The following SCOC variants were observed in gnomAD, a reference collection of about 807,000 sequenced individuals.
The protein encoded by SCOC is short coiled coil protein.
A neutral mutation model predicts 9.9 loss-of-function variants in SCOC; 7 were observed. That is an observed-to-expected ratio of 0.71 (90% CI 0.40 to 1.33). The LOEUF is 1.33. SCOC is among the 40% of genes most tolerant of loss of function. The pLI is 0.01. For missense variants in SCOC, 66 were observed against 89.7 expected (o/e 0.74, Z 1.07); for synonymous variants, 19 against 28.2 (o/e 0.67, Z 1.03).
rs570758458 is a variant in SCOC, at chr4:140,295,167, T to C, written c.-19+37757T>C. The stretch of plus-strand genomic sequence containing the variant: ...ATAATTGGGAGATTTTAGTAGTATA[T>C]TTCCTTCCTTCTTGAAGAAAATGCT... On this transcript the variant is annotated intron_variant, in intron 1 of 4. Transcript: ENST00000394205. Among the ~76,000 whole-genome samples the C allele has an allele frequency of 6.6e-5, 10 of 152,162 alleles. No individual in the cohort carries two copies. In the South Asian group the frequency reaches 1.9e-3, roughly 28 times the overall value.
chr4:140,366,755 C>A, intron 2 of SCOC: 1 of 1,525,594 alleles, frequency 6.6e-7, no homozygotes, highest in Middle Eastern at 1.7e-4. Context: ...TCAACCAAAG[C>A]CCTGTTTTGA....
chr4:140,339,688 A>C (rs1336715383), upstream of SCOC, among the ~76,000 whole-genome samples: 1 of 152,232 alleles, frequency 6.6e-6, no homozygotes, highest in Non-Finnish European at 1.5e-5. Flanking sequence ...CAGCCAAAAG[A>C]CACATGAAAA....
intron 1 of SCOC, among the ~76,000 whole-genome samples, chr4:140,330,475 C>T (rs1732787118): frequency 6.6e-6 from 1 of 151,984 alleles, no homozygotes. Context: ...TGTTAAAGAG[C>T]ACTTAAAATT....
exon 1 of SCOC, chr4:140,343,468 AG>A (rs1371405459): frequency 3.6e-6 from 2 of 551,184 alleles, no homozygotes; most frequent in African/African-American, 3.8e-5. Context: ...TGCAACACTC[AG>A]GTGAGAACTT....
chr4:140,327,167 C>T (rs1388422345), intron 1 of SCOC, among the ~76,000 whole-genome samples: 1 of 152,152 alleles, frequency 6.6e-6, no homozygotes, highest in Non-Finnish European at 1.5e-5. Context: ...GGCCCTTGTC[C>T]TCTAAGGAGT....
intron 1 of SCOC, among the ~76,000 whole-genome samples, chr4:140,378,642 G>T (rs1314434875): frequency 6.6e-6 from 1 of 152,068 alleles, no homozygotes; most frequent in Non-Finnish European, 1.5e-5. Flanking sequence ...GGGCAGTTAT[G>T]TTGTTTCTGA....
intron 1 of SCOC, among the ~76,000 whole-genome samples, chr4:140,377,283 A>T (rs185874319): frequency 8.5e-5 from 13 of 152,298 alleles, no homozygotes; most frequent in African/African-American, 3.1e-4. Flanking sequence ...GATTCAATGG[A>T]GAGGAATAGT....
chr4:140,359,455 C>A (rs1272126801), intron 2 of SCOC, among the ~76,000 whole-genome samples: 1 of 151,998 alleles, frequency 6.6e-6, no homozygotes, highest in Non-Finnish European at 1.5e-5. Flanking sequence ...ATGATTGATT[C>A]TTAGAAGTCA....
In SCOC at chr4:140,312,052, T is replaced by C. The variant is rs74724141; in HGVS notation, c.-18-31569T>C. Among the ~76,000 whole-genome samples the C allele has an allele frequency of 3.1e-3, 466 of 152,322 alleles. 1 individual carries two copies. Among genetic ancestry groups the C allele is most frequent in the African/African-American group, 0.011 (445 of 41,574 alleles). The stretch of plus-strand genomic sequence containing the variant: ...ATATTGCTTTCTGGCAAATATGAAT[T>C]GGGATTTACTTGTTAAAAATTAGAA... On this transcript the variant is annotated intron_variant, in intron 1 of 4. Coordinates refer to the SCOC transcript ENST00000394205.
At chr4:140,361,410 T>A (rs1036698902) in intron 2 of SCOC, among the ~76,000 whole-genome samples, 1 of 152,182 alleles carries the variant, frequency 6.6e-6, no homozygotes, top group African/African-American at 2.4e-5. Context: ...ACACTTGTGA[T>A]CTCAACATTT....
chr4:140,332,039 C>T (rs1732829031), intron 1 of SCOC, among the ~76,000 whole-genome samples: 1 of 151,912 alleles, frequency 6.6e-6, no homozygotes, highest in Non-Finnish European at 1.5e-5. Context: ...AGGTGCCGCA[C>T]ACTTTAGAAT....
At chr4:140,285,732 G>A (rs1731247707) in intron 1 of SCOC, among the ~76,000 whole-genome samples, 1 of 152,206 alleles carries the variant, frequency 6.6e-6, no homozygotes, top group African/African-American at 2.4e-5. Flanking sequence ...CCAAGACATT[G>A]CTAAGCAGTT....
At chr4:140,281,523 G>T (rs1731095328) in intron 1 of SCOC, among the ~76,000 whole-genome samples, 1 of 152,196 alleles carries the variant, frequency 6.6e-6, no homozygotes, top group Non-Finnish European at 1.5e-5. Flanking sequence ...GGTTGTTTGG[G>T]TTATGTAGGG....
At chr4:140,275,064 TG>T (rs1730952233) in intron 1 of SCOC, among the ~76,000 whole-genome samples, 1 of 152,250 alleles carries the variant, frequency 6.6e-6, no homozygotes, top group Non-Finnish European at 1.5e-5. Flanking sequence ...TTCACAGAAC[TG>T]GATAAAACGT....
At chr4:140,295,885 C>T (rs1333942851) in intron 1 of SCOC, among the ~76,000 whole-genome samples, 1 of 145,684 alleles carries the variant, frequency 6.9e-6, no homozygotes, top group African/African-American at 2.6e-5. Flanking sequence ...GAGCCAAGAT[C>T]GCTCCACTGC....
At chr4:140,265,335 C>A (rs141085523) in intron 1 of SCOC, among the ~76,000 whole-genome samples, 1 of 152,098 alleles carries the variant, frequency 6.6e-6, no homozygotes, top group Non-Finnish European at 1.5e-5. Context: ...CTCTTTTAGC[C>A]GGGTATTTAA....
rs1479424926 is a variant in SCOC at position 140,384,788 on chromosome 4, CTG to C, written c.*3685_*3686del. 1 of 152,112 alleles carries C rather than the reference CTG, an allele frequency of 6.6e-6. No homozygotes were observed. Among genetic ancestry groups the C allele is most frequent in the Admixed American group, 6.5e-5 (1 of 15,272 alleles). 9.4% of individuals were successfully genotyped at this position (152,112 alleles called of 1,614,324 possible). A position where few individuals can be genotyped will look rare whatever the true frequency, so the allele number is the denominator to read the frequency against. On this transcript the variant is annotated 3_prime_UTR_variant, in exon 4 of 4. Transcript: ENST00000608372. ...AAATCAGCATACTCCTTGTTATGGA[CTG>C]AATGTGTCCTCCCAAAATTCTTAGG...
intron 1 of SCOC, among the ~76,000 whole-genome samples, chr4:140,259,992 T>G (rs1398186): frequency 1.3e-4 from 20 of 152,126 alleles, no homozygotes; most frequent in Non-Finnish European, 2.6e-4. Flanking sequence ...CCCCATTCCT[T>G]GAGGTTGGGT....
chr4:140,269,227 C>T (rs1010371598), intron 1 of SCOC, among the ~76,000 whole-genome samples: 1 of 152,154 alleles, frequency 6.6e-6, no homozygotes, highest in African/African-American at 2.4e-5. Flanking sequence ...ATGAGGGATT[C>T]ATATCTCCTG....
Sources: allele counts gnomAD v4.1 joint callset (sites outside exome capture counted in the v4.1 genomes callset), GRCh38; gene constraint gnomAD v4.1.1; transcripts MANE v1.5; gene names NCBI Gene and HGNC (gene_info 2026-07-23, HGNC 2026-07-21).